UNC13C: variants seen among roughly 807,000 people sequenced by gnomAD.
UNC13C encodes the protein unc-13 homolog C, also known as protein unc-13 homolog C.
UNC13C carries 174 observed loss-of-function variants against 245.4 expected under a neutral mutation model. The ratio of observed to expected loss-of-function variants is 0.71; its 90% CI spans 0.63 to 0.80. The LOEUF is 0.80. Ranked by LOEUF, UNC13C falls within the 30% of genes least tolerant of loss-of-function variation. The pLI, the probability that UNC13C is intolerant of heterozygous loss-of-function variation, is 0.00. For synonymous variants in UNC13C, 992 were observed against 895.1 expected (o/e 1.11, Z -1.93); for missense variants, 2,829 against 2,602.9 (o/e 1.09, Z -1.89).
chr15:54,246,413 GTT>G (rs11383240), intron 7 of UNC13C, among the ~76,000 whole-genome samples: 3,834 of 144,910 alleles, frequency 0.026, 159 homozygotes, highest in African/African-American at 0.091. Context: ...TGAAAATAAT[GTT>G]TTTTTTTTTT....
At chr15:54,397,307 G>C (rs770458980) in intron 18 of UNC13C, among the ~76,000 whole-genome samples, 1 of 151,112 alleles carries the variant, frequency 6.6e-6, no homozygotes. Flanking sequence ...AATTGCTTTG[G>C]CATCTTGGAG....
chr15:54,585,431 C>T (rs1898437415), intron 30 of UNC13C, among the ~76,000 whole-genome samples: 1 of 152,202 alleles, frequency 6.6e-6, no homozygotes, highest in African/African-American at 2.4e-5. Context: ...GATGCTGGTG[C>T]TGTGCTTCTT....
chr15:53,864,041 A>G, the UNC13C span, among the ~76,000 whole-genome samples: 2 of 152,180 alleles, frequency 1.3e-5, no homozygotes, highest in Non-Finnish European at 2.9e-5. Flanking sequence ...ATGTCCTTGT[A>G]CATACACTTT....
chr15:54,237,754 T>C, intron 7 of UNC13C, 64 bp downstream of exon 7: 3 of 1,312,840 alleles, frequency 2.3e-6, no homozygotes, highest in Non-Finnish European at 3.2e-6. Flanking sequence ...AGGGAGAAAC[T>C]GTTCTGCTTG....
intron 13 of UNC13C, among the ~76,000 whole-genome samples, chr15:54,319,060 ACT>A (rs1468424959): frequency 6.6e-6 from 1 of 151,894 alleles, no homozygotes; most frequent in African/African-American, 2.4e-5. Context: ...GAACAAGATT[ACT>A]CAGCCTGATG....
At chr15:54,607,255 C>T (rs1340280030) in intron 30 of UNC13C, among the ~76,000 whole-genome samples, 2 of 152,116 alleles carry the variant, frequency 1.3e-5, no homozygotes, top group African/African-American at 4.8e-5. Context: ...CTTGGTTTGC[C>T]AGTGAGAACC....
intron 32 of UNC13C, 92 bp from the exon 33 acceptor site, chr15:54,626,736 A>C: frequency 9.0e-7 from 1 of 1,106,698 alleles, no homozygotes; most frequent in Non-Finnish European, 1.3e-6. Flanking sequence ...ATCAGATCCA[A>C]TGTATACAGT....
chr15:54,584,651 GGTAA>G (rs1898394240), intron 30 of UNC13C, among the ~76,000 whole-genome samples: 2 of 152,194 alleles, frequency 1.3e-5, no homozygotes, highest in Non-Finnish European at 2.9e-5. Context: ...GAAACTAGCT[GGTAA>G]GTGTTACAGT....
At chr15:54,223,302 T>A (rs574075141) in intron 4 of UNC13C, among the ~76,000 whole-genome samples, 1 of 152,272 alleles carries the variant, frequency 6.6e-6, no homozygotes, top group East Asian at 1.9e-4. Flanking sequence ...GTTTTATTCT[T>A]CTGTTTATGG....
intron 17 of UNC13C, among the ~76,000 whole-genome samples, chr15:54,383,868 T>C (rs1252450360): frequency 1.3e-5 from 2 of 151,952 alleles, no homozygotes; most frequent in Admixed American, 1.3e-4. Context: ...TATCCACCAA[T>C]AATGGCATAG....
intron 32 of UNC13C, among the ~76,000 whole-genome samples, chr15:54,626,480 A>G (rs1901157482): frequency 1.3e-5 from 2 of 151,668 alleles, no homozygotes; most frequent in Non-Finnish European, 1.5e-5. Flanking sequence ...AGTAACTGAT[A>G]TTGAAATGGC....
At chr15:54,453,634 A>T (rs1891305656) in intron 19 of UNC13C, among the ~76,000 whole-genome samples, 1 of 152,208 alleles carries the variant, frequency 6.6e-6, no homozygotes, top group Non-Finnish European at 1.5e-5. Flanking sequence ...ATCAGGAATG[A>T]ATTTACTGAG....
rs374302903 is a variant in UNC13C at position 54,250,404 on chromosome 15, C to T, written c.3408C>T (p.His1136=). ...MKCLECGVKC[H]EKCQDLLNAD... Reference sequence around the variant, plus strand: ...GTCTGGAGTGTGGAGTGAAATGCCACGAAAAGTGTCAGGACCTGCTAAACG... The same window carrying T: ...GTCTGGAGTGTGGAGTGAAATGCCATGAAAAGTGTCAGGACCTGCTAAACG... Residue 1136 remains histidine, a synonymous_variant, in exon 8 of 33, where the codon CAC becomes CAT. Transcript: ENST00000260323. 1.7e-5 allele frequency: 27 copies of T among 1,613,220 alleles called. 1 individual carries two copies. In the Middle Eastern group the frequency reaches 4.9e-4, roughly 30 times the overall value.
At chr15:54,020,353 CA>C (rs1401014265) in intron 2 of UNC13C, among the ~76,000 whole-genome samples, 3 of 149,922 alleles carry the variant, frequency 2.0e-5, no homozygotes, top group Non-Finnish European at 3.0e-5. Flanking sequence ...CAGCTCACTG[CA>C]ACCTCCTCCT....
chr15:53,896,760 G>C, the UNC13C span, among the ~76,000 whole-genome samples: 4 of 152,086 alleles, frequency 2.6e-5, no homozygotes, highest in Non-Finnish European at 5.9e-5. Flanking sequence ...TAAATGTGGG[G>C]ACTATCCCAT....
At chr15:53,993,150 C>T (rs1010203051) in intron 1 of UNC13C, among the ~76,000 whole-genome samples, 8 of 151,960 alleles carry the variant, frequency 5.3e-5, no homozygotes, top group Non-Finnish European at 8.8e-5. Context: ...GGTCAGATTC[C>T]CAGGGAAGTA....
intron 24 of UNC13C, among the ~76,000 whole-genome samples, chr15:54,516,762 G>A (rs149288530): frequency 0.01 from 1,431 of 141,890 alleles, 26 homozygotes; most frequent in African/African-American, 0.036. Flanking sequence ...ATCGCACCAC[G>A]GCACTCCAGC....
chr15:54,569,416 T>C (rs760850795), intron 30 of UNC13C, among the ~76,000 whole-genome samples: 80 of 152,152 alleles, frequency 5.3e-4, no homozygotes, highest in Non-Finnish European at 7.6e-4. Context: ...ATGTAAATGA[T>C]TGTTATATAG....
At chr15:54,445,540 T>C (rs1043329220) in intron 19 of UNC13C, among the ~76,000 whole-genome samples, 1 of 152,232 alleles carries the variant, frequency 6.6e-6, no homozygotes, top group African/African-American at 2.4e-5. Flanking sequence ...ATTTCTCTGA[T>C]GGCCAGTGAT....
Sources: gnomAD v4.1 joint callset for allele counts (sites outside exome capture counted in the v4.1 genomes callset) on GRCh38, gnomAD v4.1.1 for gene constraint, MANE v1.5 for transcripts, NCBI Gene and HGNC (gene_info 2026-07-23, HGNC 2026-07-21) for gene names.